Variants in PLAT observed in about 807,000 individuals in gnomAD.
PLAT encodes the protein tissue-type plasminogen activator.
Under a neutral mutation model 74.9 loss-of-function variants are expected in PLAT, and 48 were observed. The ratio of observed to expected loss-of-function variants is 0.64; its 90% CI spans 0.51 to 0.82. The LOEUF is 0.82. Among genes scored for constraint, PLAT ranks in the 40% least tolerant of loss-of-function variants. PLAT has a pLI of 0.00. For synonymous variants in PLAT, 307 were observed against 294.4 expected (o/e 1.04, Z -0.44); for missense variants, 673 against 736.2 (o/e 0.91, Z 0.99).
chr8:42,197,052 CA>C (rs1805938471), intron 1 of PLAT, among the ~76,000 whole-genome samples: 1 of 152,150 alleles, frequency 6.6e-6, no homozygotes, highest in East Asian at 1.9e-4. Context: ...CCCTAGCACA[CA>C]AAGTTGATTT....
intron 1 of PLAT, 65 bp downstream of exon 1, chr8:42,207,429 T>C (rs1806386991): frequency 2.0e-5 from 3 of 152,272 alleles, no homozygotes; most frequent in Admixed American, 2.0e-4. Flanking sequence ...CTGGCTCAGC[T>C]TGCTGGAAAG....
intron 1 of PLAT, among the ~76,000 whole-genome samples, chr8:42,194,046 C>CTT (rs1805796946): frequency 1.1e-4 from 6 of 52,840 alleles, no homozygotes; most frequent in African/African-American, 8.9e-5. Flanking sequence ...CTTCTTTCTT[C>CTT]TTTCTTTTTT....
At position 42,187,465 on chromosome 8, in the gene PLAT, G is replaced by T; in HGVS notation, c.472C>A (p.Gln158Lys). 6.2e-7 allele frequency: 1 copy of T among 1,607,838 alleles called. No individual in the cohort carries two copies. The highest frequency in any genetic ancestry group is 8.5e-7 in the Non-Finnish European group (1 of 1,179,714). ...GGCCTCCGCCCGCTGTAGGGCTTCT[G>T]GGCCAACGCGCTGCTGTTCCAGTTG... is the stretch of plus-strand genomic sequence containing the variant. ...CTNWNSSALAQKPYSGRRPDA... is the reference protein window; with the variant it reads ...CTNWNSSALAKKPYSGRRPDA... The change falls in exon 6 of 14, where the codon CAG (glutamine) becomes AAG (lysine). Residue 158 changes from glutamine (Q) to lysine (K), a missense_variant. Physicochemically the swap from Gln to Lys is moderately conservative, Grantham distance 53. Coordinates refer to ENST00000220809, the MANE Select transcript of PLAT (RefSeq NM_000930.5).
chr8:42,202,409 C>G (rs766672503), intron 1 of PLAT, among the ~76,000 whole-genome samples: 1 of 151,988 alleles, frequency 6.6e-6, no homozygotes, highest in African/African-American at 2.4e-5. Context: ...TCTGGAGACT[C>G]AGCTGAAATA....
chr8:42,186,045 GA>G (rs1179275480), intron 6 of PLAT: 2 of 151,696 alleles, frequency 1.3e-5, no homozygotes, highest in Non-Finnish European at 2.9e-5. Context: ...AGTGTGAAAG[GA>G]AAATAAATCT....
chr8:42,194,235 AGAGAGAGTGTGTGTGTGT>A (rs767257204), intron 1 of PLAT, among the ~76,000 whole-genome samples: 650 of 63,488 alleles, frequency 0.01, 2 homozygotes, highest in South Asian at 0.032. Context: ...AGAGAGAGAG[AGAGAGAGTGTGTGTGTGT>A]GTGTGTGTGT....
intron 13 of PLAT, among the ~76,000 whole-genome samples, chr8:42,177,282 T>C (rs2129684678): frequency 6.6e-6 from 1 of 152,366 alleles, no homozygotes; most frequent in Admixed American, 6.5e-5. Context: ...AATTAGCTGG[T>C]GGTAAAATTG....
intron 6 of PLAT, chr8:42,187,186 T>C (rs1009159090): frequency 6.3e-6 from 3 of 476,476 alleles, no homozygotes; most frequent in Non-Finnish European, 1.1e-5. Context: ...ATCATGTATG[T>C]ATCATCTATT....
At chr8:42,192,674 G>A (rs1805731109) in intron 2 of PLAT, among the ~76,000 whole-genome samples, 1 of 152,216 alleles carries the variant, frequency 6.6e-6, no homozygotes. Context: ...ACAGGAGGGT[G>A]TGCATAGGAT....
intron 4 of PLAT, 67 bp from the exon 5 acceptor site, chr8:42,188,083 G>T: frequency 1.1e-6 from 1 of 939,776 alleles, no homozygotes; most frequent in Non-Finnish European, 1.7e-6. Flanking sequence ...CATGGTTCCA[G>T]GAGCCCTGTC....
chr8:42,183,379 C>A (rs2129722470), intron 7 of PLAT, among the ~76,000 whole-genome samples: 1 of 152,238 alleles, frequency 6.6e-6, no homozygotes, highest in South Asian at 2.1e-4. Context: ...AAGTGGCTCC[C>A]TAGATTGCTA....
Position 42,193,108 on chromosome 8 carries a change from A to G in PLAT, c.72+6T>C. The G allele has an allele frequency of 1.2e-6, 2 of 1,608,510 alleles. No homozygotes were observed. Among genetic ancestry groups the G allele is most frequent in the East Asian group, 4.5e-5 (2 of 44,858 alleles). ...GGGGCGGGACACAGGGATCCTGCAC[A>G]CCAACCTGGCTGGGCGAAACGAAGA... On this transcript the variant is annotated splice_donor_region_variant and intron_variant, in intron 2 of 13. Transcript: ENST00000220809.
At chr8:42,188,105 A>G in intron 4 of PLAT, 89 bp from the exon 5 acceptor site, 1 of 724,028 alleles carries the variant, frequency 1.4e-6, no homozygotes, top group Non-Finnish European at 2.4e-6. Context: ...ACCACAATCC[A>G]CACACACTCA....
chr8:42,203,871 TGGA>T (rs1806226367), intron 1 of PLAT, among the ~76,000 whole-genome samples: 1 of 151,478 alleles, frequency 6.6e-6, no homozygotes, highest in African/African-American at 2.4e-5. Context: ...GAGGCTGAGA[TGGA>T]GGATCACTTG....
At chr8:42,203,807 A>G (rs905740550) in intron 1 of PLAT, among the ~76,000 whole-genome samples, 1 of 151,890 alleles carries the variant, frequency 6.6e-6, no homozygotes, top group Admixed American at 6.6e-5. Context: ...TCTACAAAAA[A>G]ATTTTATAAT....
At chr8:42,195,011 T>TG (rs1340622630) in intron 1 of PLAT, among the ~76,000 whole-genome samples, 3 of 152,178 alleles carry the variant, frequency 2.0e-5, no homozygotes, top group Non-Finnish European at 4.4e-5. Flanking sequence ...TGTTATTTTG[T>TG]GGTCTGGCGG....
At chr8:42,177,063 T>G (rs774677210) in intron 13 of PLAT, among the ~76,000 whole-genome samples, 16 of 152,130 alleles carry the variant, frequency 1.1e-4, no homozygotes, top group Admixed American at 7.2e-4. Context: ...CACTGCACCC[T>G]CCACCTCCGG....
At chr8:42,179,084 T>G (rs753599533) in intron 12 of PLAT, 21 bp from the exon 13 acceptor site, 3 of 1,586,824 alleles carry the variant, frequency 1.9e-6, no homozygotes, top group Non-Finnish European at 2.6e-6. Context: ...AGAACCATCA[T>G]ATGGTTTTAG....
chr8:42,176,127 A>C lies in PLAT; in HGVS notation c.1555T>G (p.Cys519Gly). 1.2e-6 allele frequency: 2 copies of C among 1,613,990 alleles called. No individual in the cohort carries two copies. The highest frequency in any genetic ancestry group is 1.7e-6 in the Non-Finnish European group (2 of 1,179,930). Reference protein sequence around the residue: ...CQGDSGGPLVCLNDGRMTLVG... With the variant: ...CQGDSGGPLVGLNDGRMTLVG... ...AAAGTCATGCGGCCATCGTTCAGAC[A>C]CACCAGGGGGCCTCCCGAATCGCCC... is the stretch of plus-strand genomic sequence containing the variant. The change falls in exon 14 of 14, where the codon TGT (cysteine) becomes GGT (glycine). Residue 519 changes from cysteine (C) to glycine (G), a missense_variant. Physicochemically the swap from Cys to Gly is radical, Grantham distance 159 (BLOSUM62 -3). Transcript: ENST00000220809.
Sources: allele counts gnomAD v4.1 joint callset (sites outside exome capture counted in the v4.1 genomes callset), GRCh38; gene constraint gnomAD v4.1.1; transcripts MANE v1.5; gene names NCBI Gene and HGNC (gene_info 2026-07-23, HGNC 2026-07-21).